The following ZBTB8OS variants were observed in gnomAD, a reference collection of about 807,000 sequenced individuals.
ZBTB8OS encodes the protein tRNA splicing ligase complex subunit 1, also known as tRNA-splicing ligase-activating factor archease.
In ZBTB8OS, 16 loss-of-function variants were observed where a neutral mutation model predicts 29.3. The ratio of observed to expected loss-of-function variants is 0.55; its 90% CI spans 0.37 to 0.83. The LOEUF (loss-of-function observed/expected upper bound fraction) is 0.83, where lower values mean the gene tolerates loss of function less well. Ranked by LOEUF, ZBTB8OS falls within the 40% of genes least tolerant of loss-of-function variation. The probability of loss-of-function intolerance (pLI) is 0.00; values close to 1 mark genes in which losing one functional copy is unlikely to be tolerated. For synonymous variants in ZBTB8OS, 70 were observed against 64.6 expected, an observed-to-expected ratio of 1.08 and a Z score of -0.40; for missense variants, 160 against 196.9, an observed-to-expected ratio of 0.81 and a Z score of 1.12.
chr1:32,635,462 G>C (rs1645884447), intron 1 of ZBTB8OS, among the ~76,000 whole-genome samples: 1 of 151,934 alleles, frequency 6.6e-6, no homozygotes, highest in Non-Finnish European at 1.5e-5. Flanking sequence ...AGTAGAGATG[G>C]GGTTTCACCA....
intron 1 of ZBTB8OS, among the ~76,000 whole-genome samples, chr1:32,640,550 C>A (rs1377574945): frequency 6.6e-6 from 1 of 151,906 alleles, no homozygotes; most frequent in South Asian, 2.1e-4. Flanking sequence ...AGTCTCACTC[C>A]GTCATCCAGG....
rs1339097877 is a variant in ZBTB8OS at position 32,627,493 on chromosome 1, G to A, written c.417+15C>T. Reference sequence around the variant, plus strand: ...AAATTTTTCATGTTCTTAATGGCTGGATTTTAAAACATACCTGAGGGTGCT... The same window carrying A: ...AAATTTTTCATGTTCTTAATGGCTGAATTTTAAAACATACCTGAGGGTGCT... On this transcript the variant is annotated intron_variant, in intron 6 of 6. Transcript: ENST00000468695. 1 of 1,612,350 alleles carries A rather than the reference G, an allele frequency of 6.2e-7. No homozygotes were observed. Among genetic ancestry groups the A allele is most frequent in the African/African-American group, 1.3e-5 (1 of 74,868 alleles).
intron 5 of ZBTB8OS, among the ~76,000 whole-genome samples, chr1:32,630,469 C>T (rs1645461101): frequency 6.6e-6 from 1 of 152,186 alleles, no homozygotes; most frequent in South Asian, 2.1e-4. Context: ...AGGAGGATCA[C>T]TTGAACCCAG....
chr1:32,631,770 T>C lies in ZBTB8OS; in HGVS notation c.380+57A>G, dbSNP rs747344434. 964 of 1,304,200 alleles carry C rather than the reference T, an allele frequency of 7.4e-4. 2 individuals carry two copies. Among genetic ancestry groups the C allele is most frequent in the Middle Eastern group, 1.1e-3 (6 of 5,366 alleles). The allele number at this position is 1,304,200 out of a possible 1,614,324, so 80.8% of individuals were successfully genotyped here. A position where few individuals can be genotyped will look rare whatever the true frequency, so the allele number is the denominator to read the frequency against. On this transcript the variant is annotated intron_variant, in intron 5 of 6. Coordinates refer to ENST00000468695, the MANE Select transcript of ZBTB8OS (RefSeq NM_178547.5). ...TGTTTCCATCTGTTTCCTTGCTCAT[T>C]GAATTCAATGAAGAATATAACTTTA...
At chr1:32,648,469 G>A (rs562141957) in intron 1 of ZBTB8OS, among the ~76,000 whole-genome samples, 27 of 152,246 alleles carry the variant, frequency 1.8e-4, no homozygotes, top group African/African-American at 6.5e-4. Context: ...AGTAGAAATA[G>A]CCTAAACGTC....
intron 1 of ZBTB8OS, among the ~76,000 whole-genome samples, chr1:32,645,792 A>T (rs1028418585): frequency 5.5e-4 from 83 of 152,250 alleles, no homozygotes; most frequent in African/African-American, 1.9e-3. Context: ...CAGTTTTACC[A>T]ACCACTGATT....
chr1:32,638,432 C>A (rs1371232719), intron 1 of ZBTB8OS, among the ~76,000 whole-genome samples: 1 of 151,706 alleles, frequency 6.6e-6, no homozygotes, highest in Non-Finnish European at 1.5e-5. Flanking sequence ...ACCTTGTAAT[C>A]CGCCCACCTC....
intron 1 of ZBTB8OS, among the ~76,000 whole-genome samples, chr1:32,641,073 G>A (rs923371841): frequency 2.7e-5 from 4 of 150,684 alleles, no homozygotes; most frequent in Admixed American, 6.6e-5. Context: ...TCGGGAGGCC[G>A]AGGCAGAAGA....
intron 1 of ZBTB8OS, among the ~76,000 whole-genome samples, chr1:32,641,109 T>C (rs1326132057): frequency 6.6e-6 from 1 of 150,608 alleles, no homozygotes; most frequent in Non-Finnish European, 1.5e-5. Context: ...AAGGTGGAGG[T>C]TGCAGTAAGC....
chr1:32,650,364 A>G (rs538277880), intron 1 of ZBTB8OS, 69 bp downstream of exon 1: 1 of 1,593,920 alleles, frequency 6.3e-7, no homozygotes, highest in East Asian at 2.2e-5. Flanking sequence ...GAGCAGCAGG[A>G]AGCCGCGGGT....
intron 1 of ZBTB8OS, among the ~76,000 whole-genome samples, chr1:32,649,946 C>T (rs1410105410): frequency 2.6e-5 from 4 of 152,098 alleles, no homozygotes; most frequent in Non-Finnish European, 5.9e-5. Flanking sequence ...TCACAGGCCT[C>T]AGCCACCGAG....
At chr1:32,641,035 T>G (rs1416917144) in intron 1 of ZBTB8OS, among the ~76,000 whole-genome samples, 3 of 97,900 alleles carry the variant, frequency 3.1e-5, no homozygotes, top group South Asian at 3.6e-4. Context: ...TAGCTGGGCA[T>G]GGTGGTGGGG....
chr1:32,637,969 G>A (rs373743175), intron 1 of ZBTB8OS, among the ~76,000 whole-genome samples: 1 of 151,930 alleles, frequency 6.6e-6, no homozygotes, highest in Non-Finnish European at 1.5e-5. Flanking sequence ...GAGTACCTGG[G>A]ATCACAGGAG....
At chr1:32,627,183 G>C (rs1470550023) in intron 6 of ZBTB8OS, among the ~76,000 whole-genome samples, 1 of 152,158 alleles carries the variant, frequency 6.6e-6, no homozygotes, top group Non-Finnish European at 1.5e-5. Flanking sequence ...GAGACACACA[G>C]AAAGTAGAAG....
chr1:32,633,653 T>C lies in ZBTB8OS; in HGVS notation c.319A>G (p.Ile107Val). The change falls in exon 4 of 7, where the codon ATA becomes GTA. Residue 107 changes from isoleucine (I) to valine (V), a missense_variant. Ile to Val is a conservative substitution (Grantham distance 29). Coordinates refer to ENST00000468695, the MANE Select transcript of ZBTB8OS (RefSeq NM_178547.5). ...GAAAAACCTTTGCTTACCCGGGGTATGAAGAATTCATCAGCACTGAACTTA... is the reference window on the plus strand; with the variant it reads ...GAAAAACCTTTGCTTACCCGGGGTACGAAGAATTCATCAGCACTGAACTTA... ...LYKFSADEFFIPREVKVLSID... is the reference protein window; with the variant it reads ...LYKFSADEFFVPREVKVLSID... 1.2e-6 allele frequency: 2 copies of C among 1,601,636 alleles called. No individual in the cohort carries two copies. Among genetic ancestry groups the C allele is most frequent in the African/African-American group, 1.3e-5 (1 of 74,230 alleles).
chr1:32,624,763 A>G (rs1644988330), intron 6 of ZBTB8OS, among the ~76,000 whole-genome samples: 1 of 151,684 alleles, frequency 6.6e-6, no homozygotes, highest in South Asian at 2.1e-4. Context: ...CTGTGGTGGC[A>G]TACACCTGTA....
chr1:32,638,889 G>T (rs1646193506), intron 1 of ZBTB8OS, among the ~76,000 whole-genome samples: 1 of 152,154 alleles, frequency 6.6e-6, no homozygotes, highest in Non-Finnish European at 1.5e-5. Flanking sequence ...ACTCCAGCCT[G>T]TGTGACAGAG....
intron 1 of ZBTB8OS, among the ~76,000 whole-genome samples, chr1:32,638,481 C>A (rs563320391): frequency 1.3e-5 from 2 of 152,020 alleles, no homozygotes; most frequent in Non-Finnish European, 2.9e-5. Flanking sequence ...TGAGCCACTG[C>A]GACCAGCCCA....
intron 1 of ZBTB8OS, among the ~76,000 whole-genome samples, chr1:32,648,948 GCCACA>G (rs1647061349): frequency 7.3e-6 from 1 of 137,110 alleles, no homozygotes; most frequent in African/African-American, 2.7e-5. Context: ...ACAGGCGTGA[GCCACA>G]GCACCAGGCC....
Sources: allele counts gnomAD v4.1 joint callset (sites outside exome capture counted in the v4.1 genomes callset), GRCh38; gene constraint gnomAD v4.1.1; transcripts MANE v1.5; gene names NCBI Gene and HGNC (gene_info 2026-07-23, HGNC 2026-07-21).